CDH11: variants seen among roughly 807,000 people sequenced by gnomAD.
The protein encoded by CDH11 is cadherin-11.
Under a neutral mutation model 67.8 loss-of-function variants are expected in CDH11, and 11 were observed. The observed-to-expected ratio is 0.16, with a 90% CI of 0.10 to 0.27. The LOEUF is 0.27. Ranked by LOEUF, CDH11 falls within the 10% of genes least tolerant of loss-of-function variation. CDH11 has a pLI of 1.00. For synonymous variants in CDH11, 419 were observed against 400.0 expected (o/e 1.05, Z -0.57); for missense variants, 847 against 1,031.2 (o/e 0.82, Z 2.45).
chr16:65,009,335 T>C (rs1456120835), intron 2 of CDH11, among the ~76,000 whole-genome samples: 4 of 152,136 alleles, frequency 2.6e-5, no homozygotes, highest in African/African-American at 9.7e-5. Context: ...TCAATAACCA[T>C]CAATAACATA....
intron 1 of CDH11, among the ~76,000 whole-genome samples, chr16:65,079,059 CT>C (rs1307843165): frequency 6.6e-6 from 1 of 152,148 alleles, no homozygotes; most frequent in East Asian, 1.9e-4. Flanking sequence ...TTGACAAAGC[CT>C]TTCATATGCA....
At chr16:64,962,553 A>G (rs1449432207) in intron 11 of CDH11, among the ~76,000 whole-genome samples, 2 of 152,102 alleles carry the variant, frequency 1.3e-5, no homozygotes, top group African/African-American at 4.8e-5. Context: ...GAACCCAGTC[A>G]CAGGACCTCT....
rs1252650728 is a variant in CDH11, at chr16:64,998,858, T to G, written c.229-2A>C. The G allele has an allele frequency of 6.2e-7, 1 of 1,611,258 alleles. No homozygotes were observed. Among genetic ancestry groups the G allele is most frequent in the Non-Finnish European group, 8.5e-7 (1 of 1,177,882 alleles). ...ACCAGAGTCAATATCTGAATGAAGC[T>G]GGAAGAAAGAGAAATTGAGATTTTT... On this transcript the variant is annotated splice_acceptor_variant, in intron 3 of 12. Coordinates refer to ENST00000268603, the MANE Select transcript of CDH11 (RefSeq NM_001797.4). LOFTEE classifies it high-confidence loss of function.
chr16:64,970,845 C>T (rs905933381), intron 11 of CDH11, among the ~76,000 whole-genome samples: 3 of 152,156 alleles, frequency 2.0e-5, no homozygotes, highest in Non-Finnish European at 4.4e-5. Flanking sequence ...GGCAATTTCA[C>T]TACCAAGTAA....
chr16:64,980,986 C>T (rs1343806056), intron 8 of CDH11: 1 of 152,224 alleles, frequency 6.6e-6, no homozygotes, highest in East Asian at 1.9e-4. Context: ...CCCTTCTCCA[C>T]CTCCTTCTTA....
chr16:65,109,532 G>A (rs1282671790), intron 1 of CDH11, among the ~76,000 whole-genome samples: 1 of 152,190 alleles, frequency 6.6e-6, no homozygotes, highest in Non-Finnish European at 1.5e-5. Flanking sequence ...TTAAGAAGGT[G>A]TGCAGACTGT....
chr16:65,015,953 A>G (rs1192774085), intron 2 of CDH11, among the ~76,000 whole-genome samples: 1 of 152,178 alleles, frequency 6.6e-6, no homozygotes, highest in Non-Finnish European at 1.5e-5. Context: ...CAGGGTCCCC[A>G]TGTATCCATC....
chr16:65,081,364 C>T (rs140365587), intron 1 of CDH11, among the ~76,000 whole-genome samples: 2 of 152,072 alleles, frequency 1.3e-5, no homozygotes, highest in African/African-American at 4.8e-5. Flanking sequence ...GTCAGGAGAT[C>T]GAGACCATCC....
At chr16:64,969,087 G>T (rs1231958329) in intron 11 of CDH11, among the ~76,000 whole-genome samples, 2 of 152,072 alleles carry the variant, frequency 1.3e-5, no homozygotes, top group African/African-American at 2.4e-5. Flanking sequence ...AGAGGGCAGG[G>T]GAGATGAATT....
chr16:65,042,346 G>A (rs1240907248), intron 2 of CDH11, among the ~76,000 whole-genome samples: 2 of 152,196 alleles, frequency 1.3e-5, no homozygotes, highest in East Asian at 3.9e-4. Context: ...TGACTACAGG[G>A]TGGGTGGAGG....
Position 65,121,433 on chromosome 16 carries a change from G to T in CDH11, c.-298+447C>A. On this transcript the variant is annotated intron_variant, in intron 1 of 12. Coordinates refer to ENST00000268603, the MANE Select transcript of CDH11 (RefSeq NM_001797.4). This position sits in a 1 kb window ranked among gnomAD's most constrained non-coding sequence, Gnocchi z 4.1. ...ATGGAGTAAGAACCCCGCAGAGCGC[G>T]GTCATGTCGCCGCTTTGGGGAAGCG... 6.6e-6 allele frequency among the ~76,000 whole-genome samples: 1 copy of T among 152,178 alleles called. No individual in the cohort carries two copies. The highest frequency in any genetic ancestry group is 1.9e-4 in the East Asian group (1 of 5,168).
chr16:65,048,430 G>C (rs543559587), intron 2 of CDH11, among the ~76,000 whole-genome samples: 1 of 152,174 alleles, frequency 6.6e-6, no homozygotes, highest in Non-Finnish European at 1.5e-5. Context: ...ATATCAAAAC[G>C]GAACCTGCAC....
intron 1 of CDH11, among the ~76,000 whole-genome samples, chr16:65,111,489 T>C (rs1681269419): frequency 1.3e-5 from 2 of 151,956 alleles, no homozygotes; most frequent in African/African-American, 2.4e-5. Context: ...CGGCAGCACA[T>C]AAGGAAAAAG....
chr16:65,119,210 A>C (rs1386522947), intron 1 of CDH11: 1 of 152,176 alleles, frequency 6.6e-6, no homozygotes, highest in Non-Finnish European at 1.5e-5. Flanking sequence ...AAGTGCATTA[A>C]AAGAGCATGA....
intron 11 of CDH11, among the ~76,000 whole-genome samples, chr16:64,951,867 T>C (rs769794423): frequency 6.6e-6 from 1 of 152,094 alleles, no homozygotes; most frequent in South Asian, 2.1e-4. Flanking sequence ...CCCAACACCA[T>C]CAGCCACCCA....
At chr16:65,110,675 T>TGTGTGTG (rs2075142156) in intron 1 of CDH11, among the ~76,000 whole-genome samples, 1 of 124,470 alleles carries the variant, frequency 8.0e-6, no homozygotes, top group East Asian at 2.4e-4. Flanking sequence ...TGTGTGTGTG[T>TGTGTGTG]AAGATACTGA....
intron 1 of CDH11, among the ~76,000 whole-genome samples, chr16:65,106,634 G>A (rs2075071408): frequency 6.6e-6 from 1 of 152,096 alleles, no homozygotes; most frequent in South Asian, 2.1e-4. Flanking sequence ...CCTATTGATG[G>A]ACAAAAACTG....
At chr16:64,948,564 T>G in intron 12 of CDH11, 3 of 1,458,474 alleles carry the variant, frequency 2.1e-6, no homozygotes, top group Non-Finnish European at 2.9e-6. Flanking sequence ...TGCCAATGTC[T>G]GAGAAAGAGT....
chr16:64,996,404 C>A (rs1022405209), intron 4 of CDH11, among the ~76,000 whole-genome samples: 3 of 150,614 alleles, frequency 2.0e-5, no homozygotes, highest in Non-Finnish European at 4.4e-5. Flanking sequence ...GCAGGAGAAT[C>A]GTTTGAACCC....
Sources: gnomAD v4.1 joint callset for allele counts (sites outside exome capture counted in the v4.1 genomes callset) on GRCh38, gnomAD v4.1.1 for gene constraint, Gnocchi (gnomAD v3.1) non-coding constraint, MANE v1.5 for transcripts, NCBI Gene and HGNC (gene_info 2026-07-23, HGNC 2026-07-21) for gene names.